Variants in ZNF516 observed in about 807,000 individuals in gnomAD.
ZNF516 encodes zinc finger protein 516.
ZNF516 carries 19 observed loss-of-function variants against 79.7 expected under a neutral mutation model. That is an observed-to-expected ratio of 0.24 (90% CI 0.17 to 0.35). ZNF516 has a LOEUF of 0.35. Among genes scored for constraint, ZNF516 ranks in the 10% least tolerant of loss-of-function variants. The pLI, the probability that ZNF516 is intolerant of heterozygous loss-of-function variation, is 1.00. For synonymous variants in ZNF516, 877 were observed against 739.5 expected (o/e 1.19, Z -3.02); for missense variants, 1,678 against 1,679.5 (o/e 1.00, Z 0.02).
intron 4 of ZNF516, among the ~76,000 whole-genome samples, chr18:76,377,487 A>G (rs1006298429): frequency 1.6e-4 from 24 of 152,228 alleles, no homozygotes; most frequent in African/African-American, 5.3e-4. Flanking sequence ...CTGCCAGGCC[A>G]TGGATCTAGG....
In ZNF516 at chr18:76,362,487, G is replaced by C. The variant is rs776133465; in HGVS notation, c.*11C>G. 6.2e-7 allele frequency: 1 copy of C among 1,612,816 alleles called. No homozygotes were observed. The highest frequency in any genetic ancestry group is 2.2e-5 in the East Asian group (1 of 44,846). ...CGTTACGGGGACCTGGGGTGCGTCG[G>C]AAACACGCCTTTAGGTTCCCTTTCT... On this transcript the variant is annotated 3_prime_UTR_variant, in exon 7 of 7. Coordinates refer to ENST00000443185, the MANE Select transcript of ZNF516 (RefSeq NM_014643.4).
chr18:76,449,399 AACCACC>A (rs1912260522), intron 2 of ZNF516, among the ~76,000 whole-genome samples: 1 of 152,192 alleles, frequency 6.6e-6, no homozygotes, highest in South Asian at 2.1e-4. Context: ...GAGGCTGACC[AACCACC>A]ACCCAGGTAC....
intron 3 of ZNF516, among the ~76,000 whole-genome samples, chr18:76,390,829 C>CTTCAAA (rs987878696): frequency 1.1e-4 from 17 of 152,312 alleles, no homozygotes; most frequent in Admixed American, 2.0e-4. Context: ...ATGCCAGGAA[C>CTTCAAA]TTCACATCCA....
intron 3 of ZNF516, among the ~76,000 whole-genome samples, chr18:76,420,827 A>G (rs1568276700): frequency 6.6e-6 from 1 of 152,208 alleles, no homozygotes; most frequent in Admixed American, 6.5e-5. Context: ...CTTAGTAGTG[A>G]AATTCCCAGA....
In ZNF516 at chr18:76,360,608, G is replaced by T. The variant is rs1271536704; in HGVS notation, c.*1890C>A. Reference sequence around the variant, plus strand: ...CAGATCATTTTCGTACATATCTGGTGTAAGAATATCAGAAAAAAATAAGTA... The same window carrying T: ...CAGATCATTTTCGTACATATCTGGTTTAAGAATATCAGAAAAAAATAAGTA... On this transcript the variant is annotated 3_prime_UTR_variant, in exon 7 of 7. Coordinates refer to ENST00000443185, the MANE Select transcript of ZNF516 (RefSeq NM_014643.4). 2 of 94,146 alleles carry T rather than the reference G, an allele frequency of 2.1e-5. No homozygotes were observed. The highest frequency in any genetic ancestry group is 6.4e-4 in the East Asian group (2 of 3,112). 5.8% of individuals were successfully genotyped at this position (94,146 alleles called of 1,614,324 possible).
At chr18:76,470,495 G>A (rs1599141011) in intron 1 of ZNF516, among the ~76,000 whole-genome samples, 1 of 152,166 alleles carries the variant, frequency 6.6e-6, no homozygotes, top group South Asian at 2.1e-4. Flanking sequence ...TTATATCAAT[G>A]AGCTTTGGAA....
At chr18:76,424,550 C>G (rs180922783) in intron 3 of ZNF516, among the ~76,000 whole-genome samples, 1,407 of 113,366 alleles carry the variant, frequency 0.012, 35 homozygotes, top group African/African-American at 0.046. Context: ...CCCCCCGAAA[C>G]ACACACGCAG....
At chr18:76,469,284 T>A (rs553890098) in intron 1 of ZNF516, among the ~76,000 whole-genome samples, 4 of 152,190 alleles carry the variant, frequency 2.6e-5, no homozygotes, top group Non-Finnish European at 5.9e-5. Context: ...TTATTAAGGA[T>A]TTGCAGTCCT....
chr18:76,397,805 G>C (rs950822530), intron 3 of ZNF516, among the ~76,000 whole-genome samples: 1 of 152,098 alleles, frequency 6.6e-6, no homozygotes, highest in Non-Finnish European at 1.5e-5. Context: ...TCACTCTGTT[G>C]CCAGGCTGTT....
chr18:76,453,344 C>T (rs746021680), intron 2 of ZNF516, among the ~76,000 whole-genome samples: 9 of 152,178 alleles, frequency 5.9e-5, no homozygotes, highest in Non-Finnish European at 1.0e-4. Flanking sequence ...CCCAAACCCA[C>T]GGCTCAGATG....
intron 3 of ZNF516, among the ~76,000 whole-genome samples, chr18:76,437,336 G>A (rs143930751): frequency 3.3e-5 from 5 of 152,254 alleles, no homozygotes; most frequent in African/African-American, 4.8e-5. Flanking sequence ...CTCTGAGGAC[G>A]GGGCTGCTGG....
intron 3 of ZNF516, among the ~76,000 whole-genome samples, chr18:76,432,516 G>A (rs1445572249): frequency 6.6e-6 from 1 of 152,226 alleles, no homozygotes; most frequent in Admixed American, 6.5e-5. Context: ...GCACTCAACT[G>A]TGTCCTTGAC....
intron 3 of ZNF516, chr18:76,388,865 G>A (rs1405987157): frequency 1.3e-5 from 2 of 152,186 alleles, no homozygotes; most frequent in Non-Finnish European, 2.9e-5. Context: ...GGCCCACGAC[G>A]GGGCTGGCCA....
At chr18:76,479,333 G>T (rs1827363177) in intron 1 of ZNF516, among the ~76,000 whole-genome samples, 1 of 152,166 alleles carries the variant, frequency 6.6e-6, no homozygotes. Context: ...AACAGAAATT[G>T]TTCGGGAAAA....
At chr18:76,478,886 T>A (rs900569452) in intron 1 of ZNF516, among the ~76,000 whole-genome samples, 9 of 152,078 alleles carry the variant, frequency 5.9e-5, no homozygotes, top group Middle Eastern at 3.4e-3. Context: ...CAAAACCCCA[T>A]CTCCACTAAA....
At chr18:76,470,330 T>C (rs1913752644) in intron 1 of ZNF516, among the ~76,000 whole-genome samples, 1 of 152,196 alleles carries the variant, frequency 6.6e-6, no homozygotes, top group African/African-American at 2.4e-5. Context: ...TTCATATATA[T>C]ATAGAAAAGT....
chr18:76,479,306 T>C lies in ZNF516; in HGVS notation c.-272+15838A>G, dbSNP rs539709138. Among the ~76,000 whole-genome samples, 3 of 152,330 alleles carry C rather than the reference T, an allele frequency of 2.0e-5. No homozygotes were observed. The East Asian group carries it at 5.8e-4, about 29-fold the overall frequency. On this transcript the variant is annotated intron_variant, in intron 1 of 6. Transcript: ENST00000443185. ...AACGTCCCTGTGAACACGGGCCACATTCTCTCAGCAAACCACAACAGAAAT... is the reference window on the plus strand; with the variant it reads ...AACGTCCCTGTGAACACGGGCCACACTCTCTCAGCAAACCACAACAGAAAT...
chr18:76,473,596 T>TG (rs1407009040), intron 1 of ZNF516, among the ~76,000 whole-genome samples: 1 of 152,018 alleles, frequency 6.6e-6, no homozygotes, highest in Admixed American at 6.5e-5. Context: ...GGTCAGGAGA[T>TG]GGAGACCATC....
At chr18:76,425,190 A>C (rs932811501) in intron 3 of ZNF516, among the ~76,000 whole-genome samples, 11 of 152,216 alleles carry the variant, frequency 7.2e-5, no homozygotes, top group Non-Finnish European at 1.2e-4. Context: ...AGAAAAAAAA[A>C]AAGTGAGAGA....
Sources: gnomAD v4.1 joint callset for allele counts (sites outside exome capture counted in the v4.1 genomes callset) on GRCh38, gnomAD v4.1.1 for gene constraint, MANE v1.5 for transcripts, NCBI Gene and HGNC (gene_info 2026-07-23, HGNC 2026-07-21) for gene names.